DLGAP2: variants seen among roughly 807,000 people sequenced by gnomAD.
DLGAP2 encodes the protein disks large-associated protein 2.
Under a neutral mutation model 100.3 loss-of-function variants are expected in DLGAP2, and 26 were observed. The ratio of observed to expected loss-of-function variants is 0.26; its 90% CI spans 0.19 to 0.36. The LOEUF (loss-of-function observed/expected upper bound fraction) is 0.36, where lower values mean the gene tolerates loss of function less well. Ranked by LOEUF, DLGAP2 falls within the 10% of genes least tolerant of loss-of-function variation. The probability of loss-of-function intolerance (pLI) is 1.00; values close to 1 mark genes in which losing one functional copy is unlikely to be tolerated. For synonymous variants in DLGAP2, 886 were observed against 630.1 expected (o/e 1.41, Z -6.08); for missense variants, 1,858 against 1,453.2 (o/e 1.28, Z -4.53).
intron 3 of DLGAP2, among the ~76,000 whole-genome samples, chr8:1,491,982 G>A (rs1471682544): frequency 3.3e-5 from 5 of 152,202 alleles, no homozygotes; most frequent in South Asian, 2.1e-4. Flanking sequence ...GCCGGGCTCC[G>A]CTGTCGTGCG....
chr8:1,023,786 C>A (rs1418580871), intron 2 of DLGAP2, among the ~76,000 whole-genome samples: 1 of 151,360 alleles, frequency 6.6e-6, no homozygotes, highest in Non-Finnish European at 1.5e-5. Flanking sequence ...ATTCCCGTTT[C>A]AATGTCTGTC....
intron 4 of DLGAP2, among the ~76,000 whole-genome samples, chr8:1,534,933 T>C (rs1801106693): frequency 6.6e-6 from 1 of 152,268 alleles, no homozygotes; most frequent in Non-Finnish European, 1.5e-5. Flanking sequence ...TTGTGTTGAA[T>C]GGATGAAATC....
chr8:1,283,398 G>C (rs911338917), intron 3 of DLGAP2, among the ~76,000 whole-genome samples: 1 of 152,192 alleles, frequency 6.6e-6, no homozygotes, highest in East Asian at 1.9e-4. Context: ...ATTCATAAAA[G>C]GCACGTGTCT....
chr8:1,149,468 T>G (rs1218134644), intron 2 of DLGAP2, among the ~76,000 whole-genome samples: 2 of 152,198 alleles, frequency 1.3e-5, no homozygotes, highest in African/African-American at 4.8e-5. Context: ...TCTTTATCTC[T>G]TTCAGTGATT....
intron 3 of DLGAP2, among the ~76,000 whole-genome samples, chr8:1,463,495 G>C (rs989628437): frequency 2.6e-5 from 4 of 152,230 alleles, no homozygotes; most frequent in African/African-American, 9.6e-5. Context: ...GGGTCAGGCA[G>C]CCTCGGGTAT....
chr8:822,433 G>A (rs544360398), intron 1 of DLGAP2, among the ~76,000 whole-genome samples: 1 of 152,300 alleles, frequency 6.6e-6, no homozygotes, highest in South Asian at 2.1e-4. Context: ...GCTTCAGCTG[G>A]ATGTTTCTCT....
chr8:838,056 A>G (rs561515214), intron 1 of DLGAP2, among the ~76,000 whole-genome samples: 41 of 152,180 alleles, frequency 2.7e-4, no homozygotes, highest in African/African-American at 9.6e-4. Flanking sequence ...TATTTGGTAA[A>G]CAAATGTTAA....
chr8:1,224,325 G>A (rs17063711), intron 2 of DLGAP2, among the ~76,000 whole-genome samples: 9,651 of 152,198 alleles, frequency 0.063, 379 homozygotes, highest in South Asian at 0.12. Flanking sequence ...TGTAACTACC[G>A]TCAAGTAGGA....
intron 6 of DLGAP2, among the ~76,000 whole-genome samples, chr8:1,605,688 G>A (rs1796774293): frequency 6.6e-6 from 1 of 152,220 alleles, no homozygotes; most frequent in South Asian, 2.1e-4. Flanking sequence ...GAAGAAAACA[G>A]AGAATGCAGC....
intron 6 of DLGAP2, among the ~76,000 whole-genome samples, chr8:1,590,808 G>T (rs1269444258): frequency 6.6e-6 from 1 of 152,134 alleles, no homozygotes; most frequent in Admixed American, 6.6e-5. Flanking sequence ...GGCTCCCTCT[G>T]GTCCAGAGCA....
intron 3 of DLGAP2, among the ~76,000 whole-genome samples, chr8:1,411,460 C>G (rs10086365): frequency 3.9e-5 from 6 of 152,158 alleles, no homozygotes; most frequent in African/African-American, 1.2e-4. Context: ...CCACTTGTGC[C>G]GAAGATATAA....
intron 3 of DLGAP2, among the ~76,000 whole-genome samples, chr8:1,361,241 C>T (rs893749722): frequency 6.6e-6 from 1 of 152,164 alleles, no homozygotes; most frequent in Admixed American, 6.5e-5. Context: ...CAAGGTGACT[C>T]CCCAAGGACA....
At chr8:1,156,149 T>C (rs1458510293) in intron 2 of DLGAP2, among the ~76,000 whole-genome samples, 1 of 152,156 alleles carries the variant, frequency 6.6e-6, no homozygotes, top group Non-Finnish European at 1.5e-5. Context: ...GAGCCTCCCC[T>C]GGGCTTGGCT....
intron 2 of DLGAP2, among the ~76,000 whole-genome samples, chr8:1,098,403 C>G (rs1370593915): frequency 6.6e-6 from 1 of 152,246 alleles, no homozygotes; most frequent in Non-Finnish European, 1.5e-5. Context: ...CGACGTGTGA[C>G]TGGCTCCTCC....
chr8:1,154,197 A>G (rs1213874094), intron 2 of DLGAP2, among the ~76,000 whole-genome samples: 1 of 152,164 alleles, frequency 6.6e-6, no homozygotes, highest in East Asian at 1.9e-4. Flanking sequence ...GTAATTGTGA[A>G]TCACTACGGC....
chr8:894,285 C>G (rs533600357), intron 1 of DLGAP2, among the ~76,000 whole-genome samples: 1 of 152,244 alleles, frequency 6.6e-6, no homozygotes, highest in South Asian at 2.1e-4. Context: ...CCAGCACGGT[C>G]GAGACATCTC....
intron 1 of DLGAP2, among the ~76,000 whole-genome samples, chr8:802,144 A>G (rs1483769301): frequency 2.0e-4 from 30 of 146,520 alleles, no homozygotes; most frequent in African/African-American, 7.6e-4. Context: ...GGCCTGGGGA[A>G]TGGTCCGCAC....
chr8:1,140,958 G>A (rs1214029134), intron 2 of DLGAP2, among the ~76,000 whole-genome samples: 1 of 152,206 alleles, frequency 6.6e-6, no homozygotes, highest in East Asian at 1.9e-4. Flanking sequence ...ACTCCAGCCT[G>A]GGTGACAGGG....
At chr8:1,261,775 T>G (rs1257454453) in intron 3 of DLGAP2, among the ~76,000 whole-genome samples, 1 of 152,242 alleles carries the variant, frequency 6.6e-6, no homozygotes, top group Non-Finnish European at 1.5e-5. Flanking sequence ...TAAAATCATT[T>G]AAGTAATTAG....
Sources: allele counts gnomAD v4.1 joint callset (sites outside exome capture counted in the v4.1 genomes callset), GRCh38; gene constraint gnomAD v4.1.1; transcripts MANE v1.5; gene names NCBI Gene and HGNC (gene_info 2026-07-23, HGNC 2026-07-21).